Variants in USP48 observed in about 807,000 individuals in gnomAD.
USP48 encodes ubiquitin carboxyl-terminal hydrolase 48.
In USP48, 43 loss-of-function variants were observed where a neutral mutation model predicts 150.7. The ratio of observed to expected loss-of-function variants is 0.29; its 90% CI spans 0.22 to 0.37. The LOEUF (loss-of-function observed/expected upper bound fraction) is 0.37, where lower values mean the gene tolerates loss of function less well. Ranked by LOEUF, USP48 falls within the 10% of genes least tolerant of loss-of-function variation. The pLI is 1.00. For missense variants in USP48, 813 were observed against 1,249.6 expected (o/e 0.65, Z 5.27); for synonymous variants, 396 against 425.9 (o/e 0.93, Z 0.86).
chr1:21,689,613 G>T (rs1400788872), intron 24 of USP48, among the ~76,000 whole-genome samples: 5 of 152,126 alleles, frequency 3.3e-5, no homozygotes, highest in Non-Finnish European at 5.9e-5. Flanking sequence ...CCCTACCAGG[G>T]AACAGGAAAG....
intron 8 of USP48, among the ~76,000 whole-genome samples, chr1:21,739,445 G>A (rs774976155): frequency 1.3e-5 from 2 of 149,768 alleles, no homozygotes; most frequent in Non-Finnish European, 3.0e-5. Flanking sequence ...CTTGAACCCG[G>A]GAGGCGGAGG....
In USP48 at chr1:21,783,140, G is replaced by A. The variant is rs540503334; in HGVS notation, c.-183C>T. ...GCGCCCGCCCGCGCCCGACCCGCACGACCGGCCGCAAAGCGCCGCCGTCGA... is the reference window on the plus strand; with the variant it reads ...GCGCCCGCCCGCGCCCGACCCGCACAACCGGCCGCAAAGCGCCGCCGTCGA... On this transcript the variant is annotated 5_prime_UTR_variant, in exon 1 of 27. Coordinates refer to ENST00000308271, the MANE Select transcript of USP48 (RefSeq NM_032236.8). 2.6e-4 allele frequency: 249 copies of A among 950,762 alleles called. 1 individual carries two copies. The African/African-American group carries it at 3.8e-3, about 15-fold the overall frequency. 58.9% of individuals were successfully genotyped at this position (950,762 alleles called of 1,614,324 possible). A position where few individuals can be genotyped will look rare whatever the true frequency, so the allele number is the denominator to read the frequency against.
Position 21,723,923 on chromosome 1 carries a change from T to A in USP48, c.1623A>T (p.Arg541Ser). The A allele has an allele frequency of 6.2e-7, 1 of 1,614,056 alleles. No individual in the cohort carries two copies. Among genetic ancestry groups the A allele is most frequent in the Non-Finnish European group, 8.5e-7 (1 of 1,179,970 alleles). ...CAGTTAGTCTTGGACCTCCTCCATA[T>A]CTACTATAGAAAATGTCAGCTGCAT... is the stretch of plus-strand genomic sequence containing the variant. ...SEYAADIFYS[R>S]YGGGPRLTVK... Residue 541 changes from arginine (R) to serine (S), a missense_variant, in exon 12 of 27, where the codon AGA becomes AGT. Transcript: ENST00000308271.
At chr1:21,690,392 G>A (rs1461936458) in intron 23 of USP48, among the ~76,000 whole-genome samples, 3 of 152,158 alleles carry the variant, frequency 2.0e-5, no homozygotes, top group Non-Finnish European at 2.9e-5. Context: ...GAAATAAAAT[G>A]AATAAAAAGT....
intron 15 of USP48, among the ~76,000 whole-genome samples, chr1:21,708,575 A>T (rs1044550049): frequency 6.6e-6 from 1 of 151,914 alleles, no homozygotes; most frequent in Non-Finnish European, 1.5e-5. Flanking sequence ...ATATTTTAAA[A>T]TTTATTTATT....
intron 9 of USP48, among the ~76,000 whole-genome samples, chr1:21,733,814 C>T (rs1267688654): frequency 6.7e-6 from 1 of 149,834 alleles, no homozygotes; most frequent in Non-Finnish European, 1.5e-5. Context: ...TTTTTTCAGA[C>T]AAGGTCTCAC....
chr1:21,782,507 G>C (rs1372908304), intron 1 of USP48, among the ~76,000 whole-genome samples: 1 of 152,202 alleles, frequency 6.6e-6, no homozygotes, highest in Non-Finnish European at 1.5e-5. Flanking sequence ...ACAAACGAAA[G>C]AGCCGTGCTG....
intron 1 of USP48, among the ~76,000 whole-genome samples, chr1:21,778,092 G>A (rs182772766): frequency 9.8e-4 from 148 of 150,802 alleles, no homozygotes; most frequent in Middle Eastern, 3.5e-3. Flanking sequence ...ACAGTGAGCC[G>A]AGATGGCATC....
In USP48 at chr1:21,697,541, T is replaced by C. The variant is rs1356765053; in HGVS notation, c.2728-2320A>G. On this transcript the variant is annotated intron_variant, in intron 22 of 26. Coordinates refer to ENST00000308271, the MANE Select transcript of USP48 (RefSeq NM_032236.8). ...AGCCGGGCTTGGTGGTGGGCGCCTG[T>C]AGTCCCAGCTACTTGGGAGGCTGAG... 2.6e-5 allele frequency among the ~76,000 whole-genome samples: 4 copies of C among 151,600 alleles called. No individual in the cohort carries two copies. The East Asian group carries it at 5.8e-4, about 22-fold the overall frequency.
At chr1:21,683,456 C>T (rs2097572255) in intron 25 of USP48, among the ~76,000 whole-genome samples, 1 of 152,012 alleles carries the variant, frequency 6.6e-6, no homozygotes, top group African/African-American at 2.4e-5. Flanking sequence ...ATGATGACAG[C>T]TCACTGCAGC....
intron 26 of USP48, 26 bp from the exon 27 acceptor site, chr1:21,679,465 GAT>G (rs1364167862): frequency 6.2e-7 from 1 of 1,613,514 alleles, no homozygotes; most frequent in Non-Finnish European, 8.5e-7. Flanking sequence ...CACGTGGAGG[GAT>G]AGTTGTGAAC....
intron 6 of USP48, among the ~76,000 whole-genome samples, chr1:21,749,595 AT>A (rs989791074): frequency 2.0e-5 from 3 of 151,052 alleles, no homozygotes; most frequent in Non-Finnish European, 3.0e-5. Context: ...TTAAAAAAAA[AT>A]TTTTTTTTCA....
chr1:21,731,376 GC>G (rs2097756376), intron 9 of USP48, among the ~76,000 whole-genome samples: 2 of 151,924 alleles, frequency 1.3e-5, no homozygotes, highest in South Asian at 4.1e-4. Flanking sequence ...TGATTCTCCT[GC>G]CTTAGCCTCC....
In USP48 at chr1:21,678,569, T is replaced by A. The variant is rs2097557345; in HGVS notation, c.*848A>T. ...TTATAGAAACCTTGTGTTATCCAAA[T>A]GTACTTCAGTCTGATTTACTCTTCT... is the stretch of plus-strand genomic sequence containing the variant. On this transcript the variant is annotated 3_prime_UTR_variant, in exon 27 of 27. Transcript: ENST00000308271. 6.6e-6 allele frequency: 1 copy of A among 152,224 alleles called. No homozygotes were observed. The highest frequency in any genetic ancestry group is 1.5e-5 in the Non-Finnish European group (1 of 68,032). The allele number at this position is 152,224 out of a possible 1,614,324, so 9.4% of individuals were successfully genotyped here.
chr1:21,748,293 T>G, intron 6 of USP48, 22 bp from the exon 7 acceptor site: 1 of 1,589,370 alleles, frequency 6.3e-7, no homozygotes, highest in East Asian at 2.2e-5. Context: ...TAAGACATAT[T>G]AATTTTAAAA....
At chr1:21,769,600 T>C (rs925197685) in intron 1 of USP48, among the ~76,000 whole-genome samples, 14 of 152,190 alleles carry the variant, frequency 9.2e-5, no homozygotes, top group African/African-American at 3.4e-4. Flanking sequence ...TTTATACAGA[T>C]GGGTTTTCAC....
chr1:21,751,429 A>C, intron 6 of USP48, 78 bp downstream of exon 6: 1 of 1,116,266 alleles, frequency 9.0e-7, no homozygotes. Flanking sequence ...CTAGCCACTA[A>C]ATCAAAACAG....
At chr1:21,731,913 T>C (rs547662818) in intron 9 of USP48, among the ~76,000 whole-genome samples, 2 of 151,904 alleles carry the variant, frequency 1.3e-5, no homozygotes, top group African/African-American at 4.8e-5. Context: ...CCAGAAACAT[T>C]AGCCACTAAT....
chr1:21,782,712 T>C, intron 1 of USP48, 112 bp downstream of exon 1: 1 of 1,389,148 alleles, frequency 7.2e-7, no homozygotes, highest in Non-Finnish European at 9.3e-7. Flanking sequence ...CTCGCTCGGC[T>C]CCGCGCCTCC....
Sources: gnomAD v4.1 joint callset for allele counts (sites outside exome capture counted in the v4.1 genomes callset) on GRCh38, gnomAD v4.1.1 for gene constraint, MANE v1.5 for transcripts, NCBI Gene and HGNC (gene_info 2026-07-23, HGNC 2026-07-21) for gene names.